The following ROBO2 variants were observed in gnomAD, a reference collection of about 807,000 sequenced individuals.
The protein encoded by ROBO2 is roundabout guidance receptor 2.
In ROBO2, 53 loss-of-function variants were observed where a neutral mutation model predicts 160.8. The observed-to-expected ratio is 0.33, with a 90% CI of 0.26 to 0.41. The LOEUF (loss-of-function observed/expected upper bound fraction) is 0.41, where lower values mean the gene tolerates loss of function less well. ROBO2 is among the 10% of genes least tolerant of loss of function. The pLI is 1.00. For synonymous variants in ROBO2, 664 were observed against 611.7 expected, an observed-to-expected ratio of 1.09 and a Z score of -1.26; for missense variants, 1,577 against 1,722.4, an observed-to-expected ratio of 0.92 and a Z score of 1.49.
intron 2 of ROBO2, among the ~76,000 whole-genome samples, chr3:76,634,496 A>C (rs180691639): frequency 6.6e-6 from 1 of 151,772 alleles, no homozygotes; most frequent in East Asian, 1.9e-4. Context: ...TGAACCTGGG[A>C]GGCAGGGGTT....
rs370462786 is a variant in ROBO2, at chr3:77,040,820, G to A, written c.35G>A (p.Cys12Tyr). 5 of 1,613,946 alleles carry A rather than the reference G, an allele frequency of 3.1e-6. No individual in the cohort carries two copies. In the African/African-American group the frequency reaches 5.3e-5, roughly 17 times the overall value. The change falls in exon 1 of 26, where the codon TGT (cysteine) becomes TAT (tyrosine). Residue 12 changes from cysteine (C) to tyrosine (Y), a missense_variant. By Grantham distance (194) the Cys-to-Tyr change is radical. Around this residue, in one of 2 missense-constraint regions of ROBO2, gnomAD observed 940 missense variants for 1,135.5 expected, o/e 0.83. Coordinates refer to ENST00000461745, the Ensembl canonical transcript of ROBO2. ...CTGATGTTTACACAACTACTGCTCT[G>A]TGGATTTTTATATGTTCGGGTTGAT... is the stretch of plus-strand genomic sequence containing the variant.
intron 2 of ROBO2, among the ~76,000 whole-genome samples, chr3:76,646,936 A>G (rs910174982): frequency 1.1e-4 from 16 of 152,264 alleles, no homozygotes; most frequent in African/African-American, 3.6e-4. Flanking sequence ...CACCACCCCT[A>G]TGGCTGGGGG....
Position 76,141,153 on chromosome 3 carries a change from C to CTA in ROBO2, c.109+203552_109+203553insAT, listed in dbSNP as rs1451364489. On this transcript the variant is annotated intron_variant, in intron 2 of 26. Transcript: ENST00000487694. Reference sequence around the variant, plus strand: ...TCTCTCTCTCTCTCTCTCTCTCTCTCTCTCTCTATATATATATATATATAT... The same window carrying CTA: ...TCTCTCTCTCTCTCTCTCTCTCTCTCTATCTCTCTATATATATATATATATAT... Among the ~76,000 whole-genome samples the CTA allele has an allele frequency of 2.5e-3, 87 of 34,630 alleles. 1 individual carries two copies. Among genetic ancestry groups the CTA allele is most frequent in the East Asian group, 3.0e-3 (2 of 658 alleles). 22.7% of individuals were successfully genotyped at this position (34,630 alleles called of 152,430 possible).
At chr3:77,069,676 C>T (rs115349968) in intron 1 of ROBO2, among the ~76,000 whole-genome samples, 8,107 of 152,190 alleles carry the variant, frequency 0.053, 277 homozygotes, top group Non-Finnish European at 0.084. Context: ...TATTCAGCAG[C>T]TCCTTTGTAT....
At chr3:76,024,638 C>G (rs547957053) in intron 2 of ROBO2, among the ~76,000 whole-genome samples, 3 of 151,436 alleles carry the variant, frequency 2.0e-5, no homozygotes, top group African/African-American at 7.3e-5. Flanking sequence ...TACATAGATT[C>G]TATTTTCTTT....
At chr3:76,923,690 A>G (rs1262172640) in intron 2 of ROBO2, among the ~76,000 whole-genome samples, 1 of 152,254 alleles carries the variant, frequency 6.6e-6, no homozygotes, top group Non-Finnish European at 1.5e-5. Context: ...TCATTGGTGC[A>G]TCAGAAAGAT....
chr3:77,395,988 A>C (rs574685802), intron 2 of ROBO2, among the ~76,000 whole-genome samples: 202 of 152,040 alleles, frequency 1.3e-3, no homozygotes, highest in Non-Finnish European at 2.3e-3. Flanking sequence ...GTTCTGCAAT[A>C]ACTTAATCTT....
At chr3:76,519,479 T>C (rs780263365) in intron 2 of ROBO2, among the ~76,000 whole-genome samples, 1 of 152,216 alleles carries the variant, frequency 6.6e-6, no homozygotes, top group Non-Finnish European at 1.5e-5. Context: ...ACTCTCTGTC[T>C]GCAATTACCT....
At chr3:76,990,362 A>G (rs1454296692) in intron 2 of ROBO2, among the ~76,000 whole-genome samples, 1 of 152,210 alleles carries the variant, frequency 6.6e-6, no homozygotes, top group East Asian at 1.9e-4. Flanking sequence ...AACATATAAA[A>G]TCACAAAGTT....
intron 2 of ROBO2, among the ~76,000 whole-genome samples, chr3:76,604,312 T>C (rs1260499680): frequency 6.6e-6 from 1 of 152,160 alleles, no homozygotes; most frequent in Admixed American, 6.5e-5. Flanking sequence ...GTAACATAAG[T>C]CAGCTAAAAA....
At chr3:76,132,400 G>GT (rs1553653782) in intron 2 of ROBO2, among the ~76,000 whole-genome samples, 2 of 132,736 alleles carry the variant, frequency 1.5e-5, no homozygotes, top group African/African-American at 5.2e-5. Context: ...CTGTTGGGGG[G>GT]GGGGGGGGAC....
chr3:76,120,638 T>C (rs1007342213), intron 2 of ROBO2, among the ~76,000 whole-genome samples: 1 of 152,176 alleles, frequency 6.6e-6, no homozygotes, highest in African/African-American at 2.4e-5. Flanking sequence ...TTTAAAGATC[T>C]TGCCACATAT....
intron 2 of ROBO2, among the ~76,000 whole-genome samples, chr3:77,012,151 C>T (rs571621428): frequency 2.0e-5 from 3 of 152,210 alleles, no homozygotes; most frequent in Middle Eastern, 3.4e-3. Context: ...GCAATGAATA[C>T]ATGAAATGTT....
At chr3:76,666,242 C>T (rs1490407447) in intron 2 of ROBO2, among the ~76,000 whole-genome samples, 1 of 151,594 alleles carries the variant, frequency 6.6e-6, no homozygotes, top group East Asian at 1.9e-4. Flanking sequence ...TTGTGCTTAG[C>T]ACATAACAGC....
chr3:76,269,057 A>G (rs1042645652), intron 2 of ROBO2, among the ~76,000 whole-genome samples: 3 of 152,222 alleles, frequency 2.0e-5, no homozygotes, highest in Non-Finnish European at 2.9e-5. Flanking sequence ...TAATGGGCAC[A>G]AAAATATAGT....
chr3:76,250,070 TG>T (rs572113024), intron 2 of ROBO2, among the ~76,000 whole-genome samples: 64 of 152,190 alleles, frequency 4.2e-4, no homozygotes, highest in Middle Eastern at 3.4e-3. Context: ...CAATGAATAA[TG>T]GAGGTCAGTT....
At chr3:77,538,527 G>A (rs1441138390) in intron 6 of ROBO2, among the ~76,000 whole-genome samples, 2 of 152,018 alleles carry the variant, frequency 1.3e-5, no homozygotes, top group Admixed American at 1.3e-4. Flanking sequence ...ATGTGATTAA[G>A]TAGTCTCTAT....
At chr3:76,077,885 C>A (rs553418516) in intron 2 of ROBO2, among the ~76,000 whole-genome samples, 1 of 152,252 alleles carries the variant, frequency 6.6e-6, no homozygotes, top group South Asian at 2.1e-4. Flanking sequence ...AAGACAAACA[C>A]TAGTTGCCAA....
intron 20 of ROBO2, among the ~76,000 whole-genome samples, chr3:77,606,219 GA>G (rs5850338): frequency 0.54 from 82,626 of 151,726 alleles, 22,809 homozygotes; most frequent in Middle Eastern, 0.69. Flanking sequence ...GGATATGGGG[GA>G]AAAAAAAGAA....
Sources: allele counts gnomAD v4.1 joint callset (sites outside exome capture counted in the v4.1 genomes callset), GRCh38; gene constraint gnomAD v4.1.1; regional missense constraint gnomAD v4.1.1; transcripts MANE v1.5; gene names NCBI Gene and HGNC (gene_info 2026-07-23, HGNC 2026-07-21).